The following SNX6 variants were observed in gnomAD, a reference collection of about 807,000 sequenced individuals.
SNX6 encodes the protein sorting nexin-6.
Under a neutral mutation model 63.0 loss-of-function variants are expected in SNX6, and 34 were observed. That is an observed-to-expected ratio of 0.54 (90% CI 0.41 to 0.72). SNX6 has a LOEUF of 0.72. SNX6 is among the 30% of genes least tolerant of loss of function. The pLI, the probability that SNX6 is intolerant of heterozygous loss-of-function variation, is 0.00. For synonymous variants in SNX6, 170 were observed against 164.2 expected (o/e 1.04, Z -0.27); for missense variants, 398 against 471.4 (o/e 0.84, Z 1.44).
At chr14:34,568,590 G>A (rs1160283263) in intron 11 of SNX6, 3 of 612,808 alleles carry the variant, frequency 4.9e-6, no homozygotes, top group East Asian at 3.3e-5. Context: ...CCCTATTTCA[G>A]CCTGCTAAAG....
chr14:34,619,644 TA>T (rs1009463979), intron 2 of SNX6, among the ~76,000 whole-genome samples: 17 of 152,074 alleles, frequency 1.1e-4, no homozygotes, highest in African/African-American at 3.9e-4. Flanking sequence ...TTATGTAATA[TA>T]AAATTAACTG....
intron 8 of SNX6, among the ~76,000 whole-genome samples, chr14:34,587,652 G>C (rs775048770): frequency 1.3e-4 from 19 of 151,158 alleles, no homozygotes; most frequent in Non-Finnish European, 2.4e-4. Flanking sequence ...TTTATTTGGA[G>C]ACAGGGTCTC....
At chr14:34,584,762 T>C in intron 9 of SNX6, among the ~76,000 whole-genome samples, 1 of 151,350 alleles carries the variant, frequency 6.6e-6, no homozygotes, top group South Asian at 2.1e-4. Flanking sequence ...AAAATATATA[T>C]AGAGAGAGAG....
At chr14:34,579,426 G>A (rs1881848795) in intron 10 of SNX6, among the ~76,000 whole-genome samples, 1 of 152,002 alleles carries the variant, frequency 6.6e-6, no homozygotes, top group Non-Finnish European at 1.5e-5. Flanking sequence ...AGACCAGCCT[G>A]AGCAATGTAG....
chr14:34,613,994 GC>G (rs2138368405), intron 2 of SNX6, among the ~76,000 whole-genome samples: 1 of 151,956 alleles, frequency 6.6e-6, no homozygotes, highest in African/African-American at 2.4e-5. Flanking sequence ...TGTAATCCCA[GC>G]TACTCGGGAG....
In SNX6 at chr14:34,597,673, A is replaced by C. The variant is rs764423991; in HGVS notation, c.517-28T>G. ...GAAAGAAAGGTAATTTAACATTTTT[A>C]AGGTTACAAATGGAAAGCAGTGCCT... On this transcript the variant is annotated intron_variant, in intron 6 of 13. Coordinates refer to ENST00000362031, the MANE Select transcript of SNX6 (RefSeq NM_152233.4). 1.5e-5 allele frequency: 20 copies of C among 1,358,482 alleles called. No individual in the cohort carries two copies. In the East Asian group the frequency reaches 3.9e-4, roughly 26 times the overall value. 84.2% of individuals were successfully genotyped at this position (1,358,482 alleles called of 1,614,324 possible).
At chr14:34,623,532 G>C (rs186349356) in intron 2 of SNX6, among the ~76,000 whole-genome samples, 1 of 152,272 alleles carries the variant, frequency 6.6e-6, no homozygotes, top group Admixed American at 6.5e-5. Flanking sequence ...GACTGAATTG[G>C]AAAGTAGAAA....
At position 34,563,038 on chromosome 14, in the gene SNX6, A is replaced by T. The variant is rs565399125; in HGVS notation, c.*84T>A. The T allele has an allele frequency of 3.7e-6, 5 of 1,343,938 alleles. No individual in the cohort carries two copies. The East Asian group carries it at 1.2e-4, about 31-fold the overall frequency. The allele number at this position is 1,343,938 out of a possible 1,614,324, so 83.3% of individuals were successfully genotyped here. A position where few individuals can be genotyped will look rare whatever the true frequency, so the allele number is the denominator to read the frequency against. ...AGCTGCTTTTTGTTTGTTTCCAGTG[A>T]GCATAAATGCTTAACATCATTAAGA... is the stretch of plus-strand genomic sequence containing the variant. On this transcript the variant is annotated 3_prime_UTR_variant, in exon 14 of 14. Transcript: ENST00000362031.
intron 11 of SNX6, among the ~76,000 whole-genome samples, chr14:34,574,062 G>C (rs1204624608): frequency 6.6e-6 from 1 of 151,964 alleles, no homozygotes; most frequent in Non-Finnish European, 1.5e-5. Flanking sequence ...TTGCGGCCGG[G>C]TGTGGTAGCT....
intron 7 of SNX6, among the ~76,000 whole-genome samples, chr14:34,596,567 C>T (rs1406925429): frequency 4.1e-5 from 6 of 145,066 alleles, no homozygotes; most frequent in African/African-American, 1.3e-4. Flanking sequence ...TGCAGTGAGC[C>T]GAGATTATGC....
rs537377542 is a variant in SNX6 at position 34,608,794 on chromosome 14, G to A, written c.160-654C>T. ...TGTAATCCTAGCACTTTGGAAGGCCGAGGTGGGTTGGATCACTTGAGGTCA... is the reference window on the plus strand; with the variant it reads ...TGTAATCCTAGCACTTTGGAAGGCCAAGGTGGGTTGGATCACTTGAGGTCA... On this transcript the variant is annotated intron_variant, in intron 3 of 13. Transcript: ENST00000362031. 2.2e-4 allele frequency among the ~76,000 whole-genome samples: 33 copies of A among 150,954 alleles called. No homozygotes were observed. In the East Asian group the frequency reaches 3.2e-3, roughly 15 times the overall value.
chr14:34,604,632 A>G (rs1882947433), intron 5 of SNX6, among the ~76,000 whole-genome samples: 1 of 152,144 alleles, frequency 6.6e-6, no homozygotes. Context: ...AGCAAATCCA[A>G]AATTACTCCA....
chr14:34,599,630 C>G (rs1468798861), intron 6 of SNX6, among the ~76,000 whole-genome samples: 1 of 151,288 alleles, frequency 6.6e-6, no homozygotes, highest in African/African-American at 2.4e-5. Flanking sequence ...AAAAATTAGC[C>G]GGGCATGGTG....
chr14:34,590,119 A>AAAACAACAACAAC (rs1882332625), intron 8 of SNX6, among the ~76,000 whole-genome samples: 1 of 151,880 alleles, frequency 6.6e-6, no homozygotes, highest in Non-Finnish European at 1.5e-5. Flanking sequence ...ACAACAACAA[A>AAAACAACAACAAC]AAACAACAAC....
chr14:34,623,699 T>C (rs1228475710), intron 2 of SNX6, among the ~76,000 whole-genome samples: 2 of 152,122 alleles, frequency 1.3e-5, no homozygotes, highest in East Asian at 1.9e-4. Context: ...AGATGAAGGA[T>C]ATGACTCAGA....
intron 9 of SNX6, among the ~76,000 whole-genome samples, chr14:34,584,909 A>G (rs1485489349): frequency 6.6e-6 from 1 of 151,722 alleles, no homozygotes; most frequent in Non-Finnish European, 1.5e-5. Flanking sequence ...CTGGAGTGCA[A>G]TGCTGTGATC....
chr14:34,623,923 G>GA (rs1367245671), intron 2 of SNX6, among the ~76,000 whole-genome samples: 6 of 151,708 alleles, frequency 4.0e-5, no homozygotes, highest in East Asian at 1.9e-4. Flanking sequence ...AAGCACATCA[G>GA]AAAAAAAATG....
In SNX6 at chr14:34,629,967, C is replaced by G; in HGVS notation, c.7-13G>C. The G allele has an allele frequency of 1.3e-6, 2 of 1,532,110 alleles. No individual in the cohort carries two copies. The highest frequency in any genetic ancestry group is 2.5e-5 in the East Asian group (1 of 40,472). 94.9% of individuals were successfully genotyped at this position (1,532,110 alleles called of 1,614,324 possible). On this transcript the variant is annotated splice_polypyrimidine_tract_variant and intron_variant, in intron 1 of 13. Transcript: ENST00000362031. ...CGTCCAGGCCTTCCTGTGGGGTCGG[C>G]GGGCACGGCGCGCCGGGGAAAAGGA...
rs535891066 is a variant in SNX6, at chr14:34,600,611, G to A, written c.516+2737C>T. ...TTGATCTTGAGGTTAACCTGTACAT[G>A]AGCACTATGCTATATTTATTTTCTG... On this transcript the variant is annotated intron_variant, in intron 6 of 13. Transcript: ENST00000362031. Among the ~76,000 whole-genome samples the A allele has an allele frequency of 5.3e-4, 81 of 152,180 alleles. 1 individual carries two copies. The highest frequency in any genetic ancestry group is 1.5e-3 in the Admixed American group (23 of 15,282).
Sources: gnomAD v4.1 joint callset for allele counts (sites outside exome capture counted in the v4.1 genomes callset) on GRCh38, gnomAD v4.1.1 for gene constraint, MANE v1.5 for transcripts, NCBI Gene and HGNC (gene_info 2026-07-23, HGNC 2026-07-21) for gene names.